The following NCK2 variants were observed in gnomAD, a reference collection of about 807,000 sequenced individuals.
The protein encoded by NCK2 is NCK adaptor protein 2.
A neutral mutation model predicts 33.9 loss-of-function variants in NCK2; 16 were observed. That is an observed-to-expected ratio of 0.47 (90% confidence interval 0.32 to 0.72). The LOEUF is 0.72. Ranked by LOEUF, NCK2 falls within the 30% of genes least tolerant of loss-of-function variation. NCK2 has a pLI of 0.03. For missense variants in NCK2, 418 were observed against 537.3 expected, an observed-to-expected ratio of 0.78 and a Z score of 2.19; for synonymous variants, 273 against 239.9, an observed-to-expected ratio of 1.14 and a Z score of -1.27.
chr2:105,871,310 G>A (rs1677992138), intron 3 of NCK2, among the ~76,000 whole-genome samples: 1 of 151,854 alleles, frequency 6.6e-6, no homozygotes, highest in Non-Finnish European at 1.5e-5. Context: ...CAGGCAAGGT[G>A]CTGTCAGGCG....
chr2:105,869,759 G>A (rs1390291495), intron 3 of NCK2, among the ~76,000 whole-genome samples: 1 of 152,024 alleles, frequency 6.6e-6, no homozygotes, highest in African/African-American at 2.4e-5. Context: ...AAAAACGCTT[G>A]GGCTCATGGA....
intron 1 of NCK2, among the ~76,000 whole-genome samples, chr2:105,766,652 T>A (rs960142439): frequency 5.3e-5 from 8 of 152,108 alleles, no homozygotes; most frequent in Non-Finnish European, 1.0e-4. Flanking sequence ...CTGCTTTGTA[T>A]CTGTTGACTT....
intron 4 of NCK2, 22 bp downstream of exon 4, chr2:105,882,071 C>T: frequency 6.7e-7 from 1 of 1,482,848 alleles, no homozygotes; most frequent in Non-Finnish European, 9.0e-7. Context: ...GCGCCCACAG[C>T]TCCGGCTGCA....
chr2:105,753,505 G>A (rs1342665581), intron 1 of NCK2, among the ~76,000 whole-genome samples: 1 of 152,232 alleles, frequency 6.6e-6, no homozygotes, highest in African/African-American at 2.4e-5. Flanking sequence ...TGTAGTCACA[G>A]TGTATTAGCT....
chr2:105,748,675 C>T (rs933778495), intron 1 of NCK2, among the ~76,000 whole-genome samples: 4 of 152,128 alleles, frequency 2.6e-5, no homozygotes, highest in Non-Finnish European at 5.9e-5. Flanking sequence ...GCCTTGACCT[C>T]CAAAAGTACT....
At chr2:105,864,828 TACACACACACACACACACAC>T (rs10524426) in intron 3 of NCK2, among the ~76,000 whole-genome samples, 39,838 of 144,436 alleles carry the variant, frequency 0.28, 6,304 homozygotes, top group East Asian at 0.43. Context: ...CATGTGCATG[TACACACACACACACACACAC>T]ACACACACAC....
chr2:105,830,105 C>G (rs1364502503), intron 2 of NCK2, among the ~76,000 whole-genome samples: 4 of 152,152 alleles, frequency 2.6e-5, no homozygotes, highest in South Asian at 4.1e-4. Flanking sequence ...TGGGAACATT[C>G]AAAATCCTCT....
chr2:105,790,825 C>T (rs1325460389), intron 1 of NCK2, among the ~76,000 whole-genome samples: 2 of 152,154 alleles, frequency 1.3e-5, no homozygotes, highest in African/African-American at 2.4e-5. Context: ...GTGGAGGGAA[C>T]GGCCTTTGAG....
rs181322274 is a variant in NCK2, at chr2:105,876,972, C to T, written c.227-4356C>T. Among the ~76,000 whole-genome samples, 320 of 152,284 alleles carry T rather than the reference C, an allele frequency of 2.1e-3. 1 individual carries two copies. Among genetic ancestry groups the T allele is most frequent in the Middle Eastern group, 0.02 (6 of 294 alleles). ...AGACATGCATGAATCCCTGCTTGTT[C>T]TGCAGCAGAAACCGTCCCTTTGAGA... On this transcript the variant is annotated intron_variant, in intron 3 of 4. Transcript: ENST00000233154.
intron 1 of NCK2, among the ~76,000 whole-genome samples, chr2:105,804,824 G>A (rs1017858321): frequency 5.9e-5 from 9 of 152,218 alleles, no homozygotes; most frequent in African/African-American, 2.2e-4. Context: ...TGATATTCAT[G>A]GCCTGGCCTA....
chr2:105,829,256 C>T (rs903616183), intron 2 of NCK2, among the ~76,000 whole-genome samples: 1 of 152,080 alleles, frequency 6.6e-6, no homozygotes, highest in Non-Finnish European at 1.5e-5. Flanking sequence ...AGAATATTCT[C>T]AATACTGTTC....
Position 105,757,360 on chromosome 2 carries a change from A to AT in NCK2, c.-201+12231dup, listed in dbSNP as rs199507013. 3.4e-3 allele frequency among the ~76,000 whole-genome samples: 520 copies of AT among 151,474 alleles called. 4 individuals are homozygous for AT. The highest frequency in any genetic ancestry group is 0.011 in the African/African-American group (466 of 41,242). On this transcript the variant is annotated intron_variant, in intron 1 of 4. Transcript: ENST00000233154. The stretch of plus-strand genomic sequence containing the variant: ...TGGGACAGGTCCTTGATTATTAGGG[A>AT]TTTTTTTTTCTTCAAAGTGGCATGG...
At chr2:105,853,370 A>G (rs755452826) in intron 2 of NCK2, among the ~76,000 whole-genome samples, 157 of 152,274 alleles carry the variant, frequency 1.0e-3, no homozygotes, top group Non-Finnish European at 1.3e-3. Flanking sequence ...ACACGCATCT[A>G]TTTATTGTTG....
At chr2:105,816,110 A>G (rs918435522) in intron 1 of NCK2, among the ~76,000 whole-genome samples, 7 of 152,314 alleles carry the variant, frequency 4.6e-5, no homozygotes, top group African/African-American at 1.7e-4. Flanking sequence ...GGCACAGAGC[A>G]GCTTTAATCT....
chr2:105,874,781 T>C (rs1678169208), intron 3 of NCK2, among the ~76,000 whole-genome samples: 1 of 152,246 alleles, frequency 6.6e-6, no homozygotes, highest in South Asian at 2.1e-4. Context: ...TTACTGACAT[T>C]AATAATGTAT....
At chr2:105,828,486 G>T (rs763899181) in intron 2 of NCK2, among the ~76,000 whole-genome samples, 11 of 152,194 alleles carry the variant, frequency 7.2e-5, no homozygotes, top group Admixed American at 2.0e-4. Flanking sequence ...GCAGATCAGT[G>T]TGGAGTGCAG....
intron 1 of NCK2, among the ~76,000 whole-genome samples, chr2:105,758,600 G>T (rs1436035946): frequency 1.3e-5 from 2 of 151,936 alleles, no homozygotes; most frequent in African/African-American, 4.8e-5. Flanking sequence ...AGTAGAGACG[G>T]GGTTTCACCA....
intron 3 of NCK2, among the ~76,000 whole-genome samples, chr2:105,857,799 T>C (rs537467668): frequency 2.6e-4 from 39 of 152,326 alleles, no homozygotes; most frequent in African/African-American, 8.2e-4. Context: ...AGGTTTTTGT[T>C]GGACAAAGGG....
intron 4 of NCK2, among the ~76,000 whole-genome samples, chr2:105,884,417 C>T (rs1356848504): frequency 1.3e-5 from 2 of 152,336 alleles, no homozygotes; most frequent in East Asian, 3.9e-4. Context: ...TTCAGCCTCC[C>T]TGCAGGACTC....
Sources: gnomAD v4.1 joint callset for allele counts (sites outside exome capture counted in the v4.1 genomes callset) on GRCh38, gnomAD v4.1.1 for gene constraint, MANE v1.5 for transcripts, NCBI Gene and HGNC (gene_info 2026-07-23, HGNC 2026-07-21) for gene names.